Variants in FADS6 observed in about 807,000 individuals in gnomAD.
FADS6 encodes fatty acid desaturase 6.
Under a neutral mutation model 31.7 loss-of-function variants are expected in FADS6, and 28 were observed. That is an observed-to-expected ratio of 0.88 (90% CI 0.66 to 1.21). The LOEUF (loss-of-function observed/expected upper bound fraction) is 1.21, where lower values mean the gene tolerates loss of function less well. FADS6 is among the 50% of genes most tolerant of loss of function. FADS6 has a pLI of 0.00. For synonymous variants in FADS6, 191 were observed against 213.1 expected (o/e 0.90, Z 0.90); for missense variants, 494 against 504.2 (o/e 0.98, Z 0.19).
Position 74,879,412 on chromosome 17 carries a change from A to G in FADS6, c.952T>C (p.Cys318Arg). Reference protein sequence around the residue: ...HLFPRLSDNMCLKVKPVVSQF... With the variant: ...HLFPRLSDNMRLKVKPVVSQF... ...GCCCAGCCCTCGACTACCTTCAGGC[A>G]CATGTTATCAGAGAGCCTGGGGAAT... Residue 318 changes from cysteine (C) to arginine (R), a missense_variant, in exon 5 of 6, where the codon TGC (cysteine) becomes CGC (arginine). Around this residue, in one of 2 missense-constraint regions of FADS6, gnomAD observed 454 missense variants for 438.5 expected, o/e 1.04. Transcript: ENST00000612771. The G allele has an allele frequency of 1.2e-6, 2 of 1,613,724 alleles. No homozygotes were observed. Among genetic ancestry groups the G allele is most frequent in the Non-Finnish European group, 1.7e-6 (2 of 1,179,778 alleles).
intron 3 of FADS6, 65 bp from the exon 4 acceptor site, chr17:74,881,320 G>C: frequency 6.9e-7 from 1 of 1,453,260 alleles, no homozygotes; most frequent in Non-Finnish European, 9.2e-7. Context: ...GCTGGCTCAA[G>C]CGTGCTAAAG....
At chr17:74,885,141 T>C (rs777875326) in intron 2 of FADS6, among the ~76,000 whole-genome samples, 5 of 152,070 alleles carry the variant, frequency 3.3e-5, no homozygotes, top group Non-Finnish European at 7.4e-5. Context: ...CTCCTCACTG[T>C]GCAGTAGCAG....
intron 2 of FADS6, among the ~76,000 whole-genome samples, chr17:74,885,943 CAA>C (rs1567927412): frequency 1.3e-5 from 2 of 152,060 alleles, no homozygotes; most frequent in East Asian, 3.9e-4. Flanking sequence ...CACTTGAGGT[CAA>C]GAGTTCAAGA....
intron 2 of FADS6, among the ~76,000 whole-genome samples, chr17:74,890,983 T>C (rs1227907885): frequency 6.6e-6 from 1 of 152,144 alleles, no homozygotes; most frequent in African/African-American, 2.4e-5. Context: ...ACACCGAAGT[T>C]TGAGAACCAC....
At chr17:74,888,157 C>CGCGT (rs1282431695) in intron 2 of FADS6, among the ~76,000 whole-genome samples, 1 of 108,912 alleles carries the variant, frequency 9.2e-6, no homozygotes, top group African/African-American at 6.0e-5. Context: ...CACACACACG[C>CGCGT]GCGCGCGCGC....
At chr17:74,882,043 C>G (rs932320691) in intron 3 of FADS6, among the ~76,000 whole-genome samples, 2 of 151,572 alleles carry the variant, frequency 1.3e-5, no homozygotes, top group Non-Finnish European at 2.9e-5. Flanking sequence ...TCAAGTGATT[C>G]TCCTGCCTCA....
In FADS6 at chr17:74,877,794, T is replaced by A. The variant is rs2038521664; in HGVS notation, c.*537A>T. ...TTGCACAGGTTCCTTTGGCTGAGGATCGAGGAAGGCCTGCCAAAAGCAAGC... is the reference window on the plus strand; with the variant it reads ...TTGCACAGGTTCCTTTGGCTGAGGAACGAGGAAGGCCTGCCAAAAGCAAGC... On this transcript the variant is annotated 3_prime_UTR_variant, in exon 6 of 6. Coordinates refer to ENST00000612771, the MANE Select transcript of FADS6 (RefSeq NM_178128.6). The A allele has an allele frequency of 1.0e-6, 1 of 985,834 alleles. No homozygotes were observed. Among genetic ancestry groups the A allele is most frequent in the African/African-American group, 1.7e-5 (1 of 57,230 alleles). 61.1% of individuals were successfully genotyped at this position (985,834 alleles called of 1,614,324 possible).
chr17:74,893,532 T>C lies in FADS6; in HGVS notation c.64A>G (p.Thr22Ala), dbSNP rs2038718700. Residue 22 changes from threonine to alanine, a missense_variant, in exon 1 of 6, where the codon ACG (threonine) becomes GCG (alanine). Physicochemically the swap from Thr to Ala is moderately conservative, Grantham distance 58 (BLOSUM62 0). Around this residue, in one of 2 missense-constraint regions of FADS6, gnomAD observed 40 missense variants for 65.7 expected, o/e 0.61. Coordinates refer to ENST00000612771, the MANE Select transcript of FADS6 (RefSeq NM_178128.6). Reference protein sequence around the residue: ...PMEPTEPMEPTEPMEPTEPME... With the variant: ...PMEPTEPMEPAEPMEPTEPME... The stretch of plus-strand genomic sequence containing the variant: ...GGCTCCGTAGGTTCCATGGGCTCCG[T>C]AGGTTCCATGGGCTCCGTAGGTTCC... 2.1e-6 allele frequency: 3 copies of C among 1,429,836 alleles called. No homozygotes were observed. Among genetic ancestry groups the C allele is most frequent in the Non-Finnish European group, 1.9e-6 (2 of 1,077,332 alleles). 88.6% of individuals were successfully genotyped at this position (1,429,836 alleles called of 1,614,324 possible).
chr17:74,879,543 C>A lies in FADS6; in HGVS notation c.821G>T (p.Arg274Leu), dbSNP rs369986802. The stretch of plus-strand genomic sequence containing the variant: ...CCCCAGGCTCATCATGTGAATCCGA[C>A]GGGGCTTGTTGTCCCGGGAGAACAT... ...LPMFSRDNKPRRIHMMSLGVL... is the reference protein window; with the variant it reads ...LPMFSRDNKPLRIHMMSLGVL... Residue 274 changes from arginine (R) to leucine (L), a missense_variant, in exon 5 of 6, where the codon CGT becomes CTT. Physicochemically the swap from Arg to Leu is moderately radical, Grantham distance 102. Around this residue, in one of 2 missense-constraint regions of FADS6, gnomAD observed 454 missense variants for 438.5 expected, o/e 1.04. Transcript: ENST00000612771. The A allele has an allele frequency of 3.1e-6, 5 of 1,613,452 alleles. No homozygotes were observed. In the African/African-American group the frequency reaches 6.7e-5, roughly 22 times the overall value.
At chr17:74,878,515 G>T in intron 5 of FADS6, 38 bp from the exon 6 acceptor site, 1 of 1,607,334 alleles carries the variant, frequency 6.2e-7, no homozygotes, top group Admixed American at 1.7e-5. Flanking sequence ...TATGAGCAGG[G>T]GCTGTGGGCA....
At chr17:74,886,869 G>T (rs1474684353) in intron 2 of FADS6, among the ~76,000 whole-genome samples, 1 of 151,876 alleles carries the variant, frequency 6.6e-6, no homozygotes, top group Non-Finnish European at 1.5e-5. Flanking sequence ...TCCTTAGTTT[G>T]GCCAACTCTG....
rs757444058 is a variant in FADS6 at position 74,878,423 on chromosome 17, C to A, written c.1015G>T (p.Asp339Tyr). ...AGCTGGAAGCGAGCCAGGTATGAGT[C>A]CTCGTTGTACGGTAGCTGCTTCTCA... is the stretch of plus-strand genomic sequence containing the variant. ...LREKQLPYNE[D>Y]SYLARFQLFL... Residue 339 changes from aspartate (D) to tyrosine (Y), a missense_variant, in exon 6 of 6, where the codon GAC becomes TAC. Asp to Tyr is a radical substitution (Grantham distance 160, BLOSUM62 -3). Coordinates refer to ENST00000612771, the MANE Select transcript of FADS6 (RefSeq NM_178128.6). 1.2e-6 allele frequency: 2 copies of A among 1,613,930 alleles called. No homozygotes were observed. The highest frequency in any genetic ancestry group is 1.3e-5 in the African/African-American group (1 of 74,952).
chr17:74,882,125 G>A (rs887744692), intron 3 of FADS6, among the ~76,000 whole-genome samples: 1 of 152,016 alleles, frequency 6.6e-6, no homozygotes, highest in East Asian at 1.9e-4. Context: ...TAGTGGAGAT[G>A]GGGTTTCACC....
chr17:74,884,952 A>G (rs917830004), intron 2 of FADS6, among the ~76,000 whole-genome samples: 1 of 151,592 alleles, frequency 6.6e-6, no homozygotes, highest in Non-Finnish European at 1.5e-5. Context: ...CAAGTTATCC[A>G]CCCGCCTCGG....
At position 74,882,584 on chromosome 17, in the gene FADS6, A is replaced by G; in HGVS notation, c.538T>C (p.Tyr180His). 4 of 1,612,178 alleles carry G rather than the reference A, an allele frequency of 2.5e-6. No individual in the cohort carries two copies. The highest frequency in any genetic ancestry group is 3.4e-6 in the Non-Finnish European group (4 of 1,179,306). Residue 180 changes from tyrosine to histidine, a missense_variant, in exon 3 of 6, where the codon TAC becomes CAC. Coordinates refer to ENST00000612771, the MANE Select transcript of FADS6 (RefSeq NM_178128.6). ...WRLPCLNRYV[Y>H]MFLAPFLLPI... ...AGGAGGAAAGGAGCAAGGAACATGTAGACATAGCGGTTGAGGCAAGGCAGC... is the reference window on the plus strand; with the variant it reads ...AGGAGGAAAGGAGCAAGGAACATGTGGACATAGCGGTTGAGGCAAGGCAGC...
At chr17:74,878,557 A>T in intron 5 of FADS6, 80 bp from the exon 6 acceptor site, 2 of 1,524,758 alleles carry the variant, frequency 1.3e-6, no homozygotes, top group Non-Finnish European at 1.8e-6. Flanking sequence ...AGGGAGGGAC[A>T]TCATCTTCCC....
intron 4 of FADS6, among the ~76,000 whole-genome samples, chr17:74,880,208 C>G (rs1267252312): frequency 6.6e-6 from 1 of 152,082 alleles, no homozygotes; most frequent in Non-Finnish European, 1.5e-5. Flanking sequence ...AATGCTGAGC[C>G]CTGGCCTCCC....
At position 74,881,262 on chromosome 17, in the gene FADS6, T is replaced by C. The variant is rs2038566035; in HGVS notation, c.593-7A>G. On this transcript the variant is annotated splice_polypyrimidine_tract_variant and splice_region_variant and intron_variant, in intron 3 of 5. Transcript: ENST00000612771. ...TCCACCTTCCTCAGCCGCTCTGCCA[T>C]AGAGGGAGGGGACAGGCAAGGCTCA... 1 of 1,587,358 alleles carries C rather than the reference T, an allele frequency of 6.3e-7. No homozygotes were observed.
chr17:74,893,025 G>C (rs1361902847), intron 1 of FADS6, among the ~76,000 whole-genome samples: 1 of 152,002 alleles, frequency 6.6e-6, no homozygotes, highest in Non-Finnish European at 1.5e-5. Flanking sequence ...GGTCCCCAAA[G>C]AACACCGTCT....
Sources: allele counts gnomAD v4.1 joint callset (sites outside exome capture counted in the v4.1 genomes callset), GRCh38; gene constraint gnomAD v4.1.1; regional missense constraint gnomAD v4.1.1; transcripts MANE v1.5; gene names NCBI Gene and HGNC (gene_info 2026-07-23, HGNC 2026-07-21).